Variants in MACF1 observed in about 807,000 individuals in gnomAD.
MACF1 encodes microtubule actin crosslinking factor 1.
MACF1 carries 193 observed loss-of-function variants against 854.8 expected under a neutral mutation model. The observed-to-expected ratio is 0.23, with a 90% CI of 0.20 to 0.25. MACF1 has a LOEUF of 0.25. Among genes scored for constraint, MACF1 ranks in the 10% least tolerant of loss-of-function variants. MACF1 has a pLI of 1.00. For missense variants in MACF1, 7,722 were observed against 8,929.1 expected, an observed-to-expected ratio of 0.86 and a Z score of 5.45; for synonymous variants, 3,185 against 3,226.7, an observed-to-expected ratio of 0.99 and a Z score of 0.44.
intron 58 of MACF1, among the ~76,000 whole-genome samples, chr1:39,404,223 G>C (rs562946759): frequency 6.6e-6 from 1 of 151,392 alleles, no homozygotes. Flanking sequence ...TGCTGGGCAT[G>C]GTGGCTCATG....
At chr1:39,305,244 G>T (rs1360351267) in intron 23 of MACF1, among the ~76,000 whole-genome samples, 1 of 148,084 alleles carries the variant, frequency 6.8e-6, no homozygotes, top group Non-Finnish European at 1.5e-5. Flanking sequence ...CTGGGTGACA[G>T]AGTGAGACTC....
chr1:39,416,435 A>G (rs902340435), intron 58 of MACF1, among the ~76,000 whole-genome samples: 1 of 152,020 alleles, frequency 6.6e-6, no homozygotes, highest in African/African-American at 2.4e-5. Context: ...GCTTGAGGCC[A>G]GGAGTTCGAG....
intron 3 of MACF1, among the ~76,000 whole-genome samples, chr1:39,250,837 C>T (rs1384125242): frequency 6.6e-6 from 1 of 152,158 alleles, no homozygotes; most frequent in African/African-American, 2.4e-5. Context: ...TGGAAATCAC[C>T]CACTTGTAGG....
chr1:39,420,000 C>G (rs1335330198), intron 58 of MACF1, among the ~76,000 whole-genome samples: 1 of 152,158 alleles, frequency 6.6e-6, no homozygotes, highest in African/African-American at 2.4e-5. Flanking sequence ...AAAGTGCTGT[C>G]CAGTAGGACT....
chr1:39,155,798 C>A (rs1003363866), intron 2 of MACF1, among the ~76,000 whole-genome samples: 1 of 152,198 alleles, frequency 6.6e-6, no homozygotes, highest in Non-Finnish European at 1.5e-5. Context: ...TGGCTCACTG[C>A]AACTTCCGCC....
chr1:39,440,106 C>CTTTTTTTTTTTTTTTTTTTTT (rs1251165556), intron 72 of MACF1, among the ~76,000 whole-genome samples: 1 of 68,300 alleles, frequency 1.5e-5, no homozygotes, highest in African/African-American at 6.5e-5. Flanking sequence ...CTTTTCTTTT[C>CTTTTTTTTTTTTTTTTTTTTT]TTTTCTTTTT....
chr1:39,190,409 T>G lies in MACF1; in HGVS notation c.221-40773T>G, dbSNP rs539189400. Among the ~76,000 whole-genome samples the G allele has an allele frequency of 3.5e-3, 501 of 141,140 alleles. 13 individuals are homozygous for G. Among genetic ancestry groups the G allele is most frequent in the Non-Finnish European group, 5.4e-3 (347 of 64,772 alleles). 92.6% of individuals were successfully genotyped at this position (141,140 alleles called of 152,430 possible). A position where few individuals can be genotyped will look rare whatever the true frequency, so the allele number is the denominator to read the frequency against. ...TGTGTGTGTTTGTTTTTGTTTTTTT[T>G]TTTTTTTTTTGATGGAATCTTGCTT... On this transcript the variant is annotated intron_variant, in intron 2 of 93. Coordinates refer to the MACF1 transcript ENST00000361689.
chr1:39,234,256 C>A (rs1163534357), intron 2 of MACF1, among the ~76,000 whole-genome samples: 1 of 152,148 alleles, frequency 6.6e-6, no homozygotes, highest in Non-Finnish European at 1.5e-5. Flanking sequence ...CCTTTCTATT[C>A]CACAAAGCCG....
In MACF1 at chr1:39,231,219, G is replaced by A. The variant is rs1298707059; in HGVS notation, c.147G>A (p.Lys49=). The A allele has an allele frequency of 1.9e-6, 3 of 1,614,198 alleles. No individual in the cohort carries two copies. Among genetic ancestry groups the A allele is most frequent in the South Asian group, 2.2e-5 (2 of 91,080 alleles). Reference sequence around the variant, plus strand: ...GGGTTCAGAAGAAAACGTTCACCAAGTGGGTCAACAAGCACTTAATGAAGG... The same window carrying A: ...GGGTTCAGAAGAAAACGTTCACCAAATGGGTCAACAAGCACTTAATGAAGG... The part of the protein sequence containing the change: ...RDRVQKKTFT[K]WVNKHLMKVR... Residue 49 remains lysine (K), a synonymous_variant, in exon 2 of 101, where the codon AAG becomes AAA. Transcript: ENST00000564288.
At position 39,437,744 on chromosome 1, in the gene MACF1, T is replaced by A. The variant is rs767041679; in HGVS notation, c.17989-33T>A. 6 of 1,426,294 alleles carry A rather than the reference T, an allele frequency of 4.2e-6. No homozygotes were observed. In the South Asian group the frequency reaches 6.9e-5, roughly 16 times the overall value. The allele number at this position is 1,426,294 out of a possible 1,614,324, so 88.4% of individuals were successfully genotyped here. A position where few individuals can be genotyped will look rare whatever the true frequency, so the allele number is the denominator to read the frequency against. ...CTTCTCCAAGAAGAGTGATGAGGTATGCTGTGATGGTAATGTTCCAACATT... is the reference window on the plus strand; with the variant it reads ...CTTCTCCAAGAAGAGTGATGAGGTAAGCTGTGATGGTAATGTTCCAACATT... On this transcript the variant is annotated intron_variant, in intron 70 of 100. Transcript: ENST00000564288.
intron 16 of MACF1, among the ~76,000 whole-genome samples, chr1:39,292,458 A>C (rs1445903330): frequency 6.6e-6 from 1 of 152,086 alleles, no homozygotes; most frequent in Non-Finnish European, 1.5e-5. Flanking sequence ...TTTATATTTC[A>C]ACTCTTCCCT....
Position 39,372,527 on chromosome 1 carries a change from A to T in MACF1, c.13144A>T (p.Asn4382Tyr). The T allele has an allele frequency of 1.2e-6, 2 of 1,613,934 alleles. No homozygotes were observed. The highest frequency in any genetic ancestry group is 1.7e-6 in the Non-Finnish European group (2 of 1,179,872). The change falls in exon 52 of 101, where the codon AAT (asparagine) becomes TAT (tyrosine). Residue 4382 changes from asparagine (N) to tyrosine (Y), a missense_variant. Asn to Tyr is a moderately radical substitution (Grantham distance 143, BLOSUM62 -2). Transcript: ENST00000564288. ...TAAGGGAACTCTGGTGGAAGAAATCAATTGCAAAGGTACTTCTTTAGAAAA... is the reference window on the plus strand; with the variant it reads ...TAAGGGAACTCTGGTGGAAGAAATCTATTGCAAAGGTACTTCTTTAGAAAA... ...ASKGTLVEEINCKGTSLENLI... is the reference protein window; with the variant it reads ...ASKGTLVEEIYCKGTSLENLI...
At chr1:39,387,069 G>GT (rs1040635538) in intron 57 of MACF1, 118 bp from the exon 58 acceptor site, 17 of 1,092,582 alleles carry the variant, frequency 1.6e-5, no homozygotes, top group Non-Finnish European at 2.1e-5. Context: ...CCTCTTTTTG[G>GT]TAGGCCCTCA....
intron 30 of MACF1, 21 bp downstream of exon 30, chr1:39,318,636 G>C (rs749054938): frequency 1.3e-6 from 2 of 1,553,914 alleles, no homozygotes; most frequent in South Asian, 2.4e-5. Flanking sequence ...TAGTAGCTCT[G>C]GCGAGAAGAG....
rs867976832 is a variant in MACF1 at position 39,485,022 on chromosome 1, C to T, written c.22411+292C>T. 3.5e-4 allele frequency: 167 copies of T among 481,748 alleles called. 1 individual carries two copies. The Middle Eastern group carries it at 5.6e-3, about 16-fold the overall frequency. The allele number at this position is 481,748 out of a possible 1,614,324, so 29.8% of individuals were successfully genotyped here. On this transcript the variant is annotated intron_variant, in intron 100 of 100. Coordinates refer to ENST00000564288, the MANE Select transcript of MACF1 (RefSeq NM_001394062.1). ...AAAGGAAATGTGGGTCTTCCTCAGA[C>T]ACCAGTCCAGTGTTGGGATGAGCAG...
chr1:39,112,234 A>G (rs1026760065), intron 2 of MACF1, among the ~76,000 whole-genome samples: 1 of 150,084 alleles, frequency 6.7e-6, no homozygotes, highest in Non-Finnish European at 1.5e-5. Flanking sequence ...TTACAGATAC[A>G]TGCCACCACG....
chr1:39,198,418 T>C (rs1644349294), intron 2 of MACF1, among the ~76,000 whole-genome samples: 1 of 151,458 alleles, frequency 6.6e-6, no homozygotes, highest in African/African-American at 2.4e-5. Context: ...TTTGGGAGGC[T>C]GAGGCGGGTG....
chr1:39,383,104 G>A (rs1366235579), intron 56 of MACF1, among the ~76,000 whole-genome samples: 1 of 152,182 alleles, frequency 6.6e-6, no homozygotes, highest in Admixed American at 6.5e-5. Context: ...CTGGGCAACA[G>A]AGCAAAAACT....
chr1:39,100,661 C>G (rs913059538), intron 2 of MACF1, among the ~76,000 whole-genome samples: 1 of 151,892 alleles, frequency 6.6e-6, no homozygotes, highest in African/African-American at 2.4e-5. Context: ...TGAGACTAGC[C>G]TGGCCAACAA....
Sources: allele counts gnomAD v4.1 joint callset (sites outside exome capture counted in the v4.1 genomes callset), GRCh38; gene constraint gnomAD v4.1.1; transcripts MANE v1.5; gene names NCBI Gene and HGNC (gene_info 2026-07-23, HGNC 2026-07-21).